Variants in ATXN8OS observed in about 807,000 individuals in gnomAD.
ATXN8OS encodes the protein ATXN8 opposite strand (non-protein coding).
chr13:70,121,252 A>G (rs1294480509), intron 2 of ATXN8OS, among the ~76,000 whole-genome samples: 1 of 152,138 alleles, frequency 6.6e-6, no homozygotes, highest in African/African-American at 2.4e-5. Flanking sequence ...ACAGGGAATG[A>G]CTACTGAAAG....
intron 2 of ATXN8OS, among the ~76,000 whole-genome samples, chr13:70,121,279 G>A (rs1416630778): frequency 6.6e-6 from 1 of 152,152 alleles, no homozygotes; most frequent in Non-Finnish European, 1.5e-5. Context: ...GGGTAGCAAA[G>A]AGGATGGGAT....
At chr13:70,121,351 TAG>T (rs1040712903) in intron 2 of ATXN8OS, among the ~76,000 whole-genome samples, 12 of 152,080 alleles carry the variant, frequency 7.9e-5, no homozygotes, top group African/African-American at 2.9e-4. Flanking sequence ...GAGATAGTGT[TAG>T]AGAGTTTTAT....
At chr13:70,110,701 G>T (rs1393816585) in intron 1 of ATXN8OS, among the ~76,000 whole-genome samples, 2 of 151,816 alleles carry the variant, frequency 1.3e-5, no homozygotes, top group Non-Finnish European at 2.9e-5. Flanking sequence ...GTAAAATACT[G>T]CACTAATTAA....
intron 2 of ATXN8OS, among the ~76,000 whole-genome samples, chr13:70,125,847 AC>A (rs1163748167): frequency 6.6e-6 from 1 of 152,106 alleles, no homozygotes; most frequent in African/African-American, 2.4e-5. Context: ...CCTAGACTTT[AC>A]ATATAACCGA....
intron 3 of ATXN8OS, among the ~76,000 whole-genome samples, chr13:70,136,705 T>C (rs1326424220): frequency 4.6e-5 from 7 of 152,276 alleles, no homozygotes; most frequent in African/African-American, 1.2e-4. Flanking sequence ...CACAGTTCTT[T>C]TGAGTGCTTC....
intron 3 of ATXN8OS, among the ~76,000 whole-genome samples, chr13:70,147,100 CAA>C (rs1156540978): frequency 1.3e-5 from 2 of 151,884 alleles, no homozygotes; most frequent in Non-Finnish European, 2.9e-5. Flanking sequence ...AAGTGGATTC[CAA>C]AAGAGTGAAA....
chr13:70,132,420 C>T (rs1354750203), intron 3 of ATXN8OS, among the ~76,000 whole-genome samples: 1 of 150,270 alleles, frequency 6.7e-6, no homozygotes, highest in Non-Finnish European at 1.5e-5. Flanking sequence ...CTAAACATTA[C>T]TCATAGAAAT....
In ATXN8OS at chr13:70,126,074, C is replaced by T. The variant is rs571543404; in HGVS notation, n.399-3710C>T. Among the ~76,000 whole-genome samples the T allele has an allele frequency of 1.0e-3, 152 of 152,206 alleles. 1 individual carries two copies. The highest frequency in any genetic ancestry group is 3.3e-3 in the African/African-American group (139 of 41,534). On this transcript the variant is annotated intron_variant and non_coding_transcript_variant, in intron 2 of 4. Coordinates refer to ENST00000678624, the Ensembl canonical transcript of ATXN8OS. ...AAGGACCTTCCTGGTTTTATTTTAT[C>T]TTTAGAATCTGTGCTTGTAGCATGC...
chr13:70,124,381 T>C (rs1318971563), intron 2 of ATXN8OS, among the ~76,000 whole-genome samples: 5 of 151,998 alleles, frequency 3.3e-5, no homozygotes, highest in African/African-American at 9.7e-5. Context: ...ACCAAATAAA[T>C]AGAGAATGCT....
intron 4 of ATXN8OS, among the ~76,000 whole-genome samples, chr13:70,152,689 C>T (rs2137499971): frequency 6.6e-6 from 1 of 152,138 alleles, no homozygotes; most frequent in East Asian, 1.9e-4. Context: ...CCTCTCACGT[C>T]TTTTAATTTA....
At position 70,139,380 on chromosome 13, in the gene ATXN8OS, A is replaced by ACTGCTGCTG. The variant is rs752810956; in HGVS notation, n.500-7973_500-7972insGCTGCTGCT. 8.5e-3 allele frequency: 4,909 copies of ACTGCTGCTG among 576,266 alleles called. 38 individuals carry two copies. The highest frequency in any genetic ancestry group is 0.063 in the East Asian group (2,015 of 32,088). The allele number at this position is 576,266 out of a possible 1,614,324, so 35.7% of individuals were successfully genotyped here. A position where few individuals can be genotyped will look rare whatever the true frequency, so the allele number is the denominator to read the frequency against. ...TACTACTACTACTACTACTACTACT[A>ACTGCTGCTG]CTACTGCTGCTGCTGCTGCTGCTGC... On this transcript the variant is annotated intron_variant and non_coding_transcript_variant, in intron 3 of 4. Coordinates refer to ENST00000678624, the Ensembl canonical transcript of ATXN8OS.
intron 4 of ATXN8OS, among the ~76,000 whole-genome samples, chr13:70,157,113 G>T (rs1479004982): frequency 2.2e-5 from 3 of 139,324 alleles, no homozygotes; most frequent in Non-Finnish European, 4.6e-5. Flanking sequence ...CTTCCTAAAA[G>T]TTTTCATACC....
intron 1 of ATXN8OS, chr13:70,108,273 C>A (rs1243166268): frequency 1.1e-5 from 4 of 376,488 alleles, no homozygotes; most frequent in East Asian, 3.9e-5. Flanking sequence ...TGTCCCTGGC[C>A]TTTTCGAGGA....
At chr13:70,125,465 T>A (rs980047038) in intron 2 of ATXN8OS, among the ~76,000 whole-genome samples, 1 of 152,124 alleles carries the variant, frequency 6.6e-6, no homozygotes, top group African/African-American at 2.4e-5. Flanking sequence ...TTTCATAACA[T>A]CATCAAGTAT....
intron 3 of ATXN8OS, among the ~76,000 whole-genome samples, chr13:70,138,901 T>C (rs1269387886): frequency 6.6e-6 from 1 of 152,152 alleles, no homozygotes; most frequent in Non-Finnish European, 1.5e-5. Context: ...GAAAGACTTA[T>C]TGGAATTCAT....
At position 70,125,148 on chromosome 13, in the gene ATXN8OS, A is replaced by T. The variant is rs536995349; in HGVS notation, n.399-4636A>T. ...CTATCAATTACCCTAATTTTTAAAA[A>T]TCTTTTCTGTAACTCATTATCTTTG... On this transcript the variant is annotated intron_variant and non_coding_transcript_variant, in intron 2 of 4. Transcript: ENST00000678624. Among the ~76,000 whole-genome samples the T allele has an allele frequency of 5.3e-5, 8 of 152,250 alleles. No individual in the cohort carries two copies. The South Asian group carries it at 1.7e-3, about 32-fold the overall frequency.
intron 3 of ATXN8OS, chr13:70,139,255 C>T: frequency 2.2e-6 from 1 of 457,446 alleles, no homozygotes; most frequent in Non-Finnish European, 3.9e-6. Context: ...CCTTTTCTGA[C>T]TCCCAGCTTC....
intron 4 of ATXN8OS, among the ~76,000 whole-genome samples, chr13:70,149,848 TAAAC>T (rs1465100901): frequency 2.6e-5 from 4 of 152,016 alleles, no homozygotes; most frequent in Admixed American, 6.6e-5. Flanking sequence ...ATACATCAAA[TAAAC>T]AAACAAAAAC....
chr13:70,144,117 T>G (rs1177340656), intron 3 of ATXN8OS, among the ~76,000 whole-genome samples: 1 of 152,082 alleles, frequency 6.6e-6, no homozygotes, highest in Non-Finnish European at 1.5e-5. Flanking sequence ...TGATAAATAT[T>G]AAATTTTAAT....
Sources: gnomAD v4.1 joint callset for allele counts (sites outside exome capture counted in the v4.1 genomes callset) on GRCh38, gnomAD v4.1.1 for gene constraint, MANE v1.5 for transcripts, NCBI Gene and HGNC (gene_info 2026-07-23, HGNC 2026-07-21) for gene names.